The following PTPRT variants were observed in gnomAD, a reference collection of about 807,000 sequenced individuals.
The protein encoded by PTPRT is protein tyrosine phosphatase receptor type T.
Under a neutral mutation model 176.8 loss-of-function variants are expected in PTPRT, and 56 were observed. That is an observed-to-expected ratio of 0.32 (90% CI 0.26 to 0.40). The LOEUF (loss-of-function observed/expected upper bound fraction) is 0.40, where lower values mean the gene tolerates loss of function less well. Among genes scored for constraint, PTPRT ranks in the 10% least tolerant of loss-of-function variants. PTPRT has a pLI of 1.00. For synonymous variants in PTPRT, 783 were observed against 739.0 expected, an observed-to-expected ratio of 1.06 and a Z score of -0.96; for missense variants, 1,540 against 1,908.2, an observed-to-expected ratio of 0.81 and a Z score of 3.60.
chr20:42,258,190 C>T (rs907220798), intron 13 of PTPRT, among the ~76,000 whole-genome samples: 2 of 152,182 alleles, frequency 1.3e-5, no homozygotes, highest in African/African-American at 4.8e-5. Flanking sequence ...GGGTTTGCCA[C>T]CCACTCTATC....
intron 1 of PTPRT, among the ~76,000 whole-genome samples, chr20:43,125,300 A>G (rs1243778711): frequency 6.6e-6 from 1 of 151,886 alleles, no homozygotes; most frequent in African/African-American, 2.4e-5. Context: ...GTGCTGGGCC[A>G]GATTTGGGAT....
intron 2 of PTPRT, among the ~76,000 whole-genome samples, chr20:42,802,846 C>A (rs1207314839): frequency 6.6e-6 from 1 of 152,206 alleles, no homozygotes; most frequent in Non-Finnish European, 1.5e-5. Context: ...TGGCCTTGGG[C>A]AACATACTTA....
chr20:42,622,560 G>A (rs1055553131), intron 7 of PTPRT, among the ~76,000 whole-genome samples: 6 of 151,972 alleles, frequency 3.9e-5, no homozygotes, highest in Admixed American at 1.3e-4. Context: ...TTTAAGGGAG[G>A]CATTTACATT....
chr20:42,747,284 A>G (rs1416511372), intron 6 of PTPRT, among the ~76,000 whole-genome samples: 1 of 152,212 alleles, frequency 6.6e-6, no homozygotes, highest in African/African-American at 2.4e-5. Context: ...TTGTAAAGTA[A>G]GGACCTGAGC....
chr20:42,751,694 GC>G (rs2076772653), intron 6 of PTPRT, among the ~76,000 whole-genome samples: 1 of 152,142 alleles, frequency 6.6e-6, no homozygotes, highest in East Asian at 1.9e-4. Flanking sequence ...TTCCTCCTAT[GC>G]TGCCCTCGAA....
rs921970555 is a variant in PTPRT, at chr20:43,001,859, C to T, written c.89-115927G>A. 1.2e-4 allele frequency among the ~76,000 whole-genome samples: 10 copies of T among 82,474 alleles called. No homozygotes were observed. The South Asian group carries it at 2.6e-3, about 22-fold the overall frequency. 54.1% of individuals were successfully genotyped at this position (82,474 alleles called of 152,430 possible). On this transcript the variant is annotated intron_variant, in intron 1 of 30. Transcript: ENST00000373187. The stretch of plus-strand genomic sequence containing the variant: ...TTACACAGTATCAAACATTGTAAAA[C>T]AAACAAACAAACAAACAAACAAAAA...
chr20:42,037,637 GCATGCA>G, the PTPRT span, among the ~76,000 whole-genome samples: 1 of 152,172 alleles, frequency 6.6e-6, no homozygotes, highest in Non-Finnish European at 1.5e-5. Context: ...GAGAGGAAAT[GCATGCA>G]CTGTGGACCT....
At chr20:42,518,413 A>C (rs2072108802) in intron 7 of PTPRT, among the ~76,000 whole-genome samples, 1 of 151,938 alleles carries the variant, frequency 6.6e-6, no homozygotes, top group Non-Finnish European at 1.5e-5. Flanking sequence ...TTTCTATTAG[A>C]TTGCTGTCAA....
At chr20:42,844,343 G>C (rs888971274) in intron 2 of PTPRT, among the ~76,000 whole-genome samples, 3 of 152,150 alleles carry the variant, frequency 2.0e-5, no homozygotes, top group African/African-American at 7.2e-5. Context: ...AGAAAAATGA[G>C]AACTCCTATA....
chr20:43,047,078 C>T (rs1405572410), intron 1 of PTPRT, among the ~76,000 whole-genome samples: 2 of 151,990 alleles, frequency 1.3e-5, no homozygotes, highest in Non-Finnish European at 2.9e-5. Flanking sequence ...CTTCCCCTCC[C>T]TCCTCCCTCT....
chr20:42,286,797 G>A (rs1013077862), intron 12 of PTPRT, among the ~76,000 whole-genome samples: 1 of 151,624 alleles, frequency 6.6e-6, no homozygotes, highest in Non-Finnish European at 1.5e-5. Flanking sequence ...AATAAACAGA[G>A]TACAAAGGCA....
At position 42,083,463 on chromosome 20, in the gene PTPRT, C is replaced by T. The variant is rs1317479933; in HGVS notation, c.4136+1219G>A. 2.6e-5 allele frequency among the ~76,000 whole-genome samples: 4 copies of T among 152,200 alleles called. No homozygotes were observed. The East Asian group carries it at 7.7e-4, about 29-fold the overall frequency. On this transcript the variant is annotated intron_variant, in intron 29 of 30. Coordinates refer to ENST00000373187, the MANE Select transcript of PTPRT (RefSeq NM_007050.6). Reference sequence around the variant, plus strand: ...ACTTGGGACACTACGCAGCATCTTCCTGAACTCTAGCCTGAGGTTTGCTTC... The same window carrying T: ...ACTTGGGACACTACGCAGCATCTTCTTGAACTCTAGCCTGAGGTTTGCTTC...
At chr20:42,323,560 A>G (rs190578060) in intron 11 of PTPRT, among the ~76,000 whole-genome samples, 100 of 152,084 alleles carry the variant, frequency 6.6e-4, no homozygotes, top group African/African-American at 2.3e-3. Context: ...AATTGAACCA[A>G]TGAGAATACA....
chr20:42,581,929 C>T (rs925715786), intron 7 of PTPRT, among the ~76,000 whole-genome samples: 1 of 152,124 alleles, frequency 6.6e-6, no homozygotes, highest in Non-Finnish European at 1.5e-5. Context: ...AAATTCTGGT[C>T]TAAAGGAATA....
intron 13 of PTPRT, chr20:42,270,534 G>A (rs2056916963): frequency 2.3e-6 from 3 of 1,309,670 alleles, no homozygotes; most frequent in African/African-American, 1.5e-5. Flanking sequence ...GTGCAGCACG[G>A]TGAACAAAAC....
intron 23 of PTPRT, among the ~76,000 whole-genome samples, chr20:42,109,409 T>TTCATC (rs1364259281): frequency 2.0e-5 from 3 of 152,200 alleles, no homozygotes; most frequent in Non-Finnish European, 2.9e-5. Context: ...GACAGGATAC[T>TTCATC]TCATCTCCAT....
chr20:42,913,038 C>G (rs916722575), intron 1 of PTPRT, among the ~76,000 whole-genome samples: 1 of 149,180 alleles, frequency 6.7e-6, no homozygotes, highest in African/African-American at 2.4e-5. Flanking sequence ...GTCTCTGTGC[C>G]TTAGTCTCTC....
chr20:43,147,539 A>T (rs1348681369), intron 1 of PTPRT, among the ~76,000 whole-genome samples: 1 of 152,212 alleles, frequency 6.6e-6, no homozygotes, highest in East Asian at 1.9e-4. Flanking sequence ...TGCTGAGCAC[A>T]TGAAGGAATT....
chr20:42,588,760 A>G (rs1420965596), intron 7 of PTPRT, among the ~76,000 whole-genome samples: 1 of 152,174 alleles, frequency 6.6e-6, no homozygotes, highest in Non-Finnish European at 1.5e-5. Flanking sequence ...GTTCATGGGT[A>G]ATAAAGACAG....
Sources: allele counts gnomAD v4.1 joint callset (sites outside exome capture counted in the v4.1 genomes callset), GRCh38; gene constraint gnomAD v4.1.1; transcripts MANE v1.5; gene names NCBI Gene and HGNC (gene_info 2026-07-23, HGNC 2026-07-21).